Variants in NR5A2 observed in about 807,000 individuals in gnomAD.
NR5A2 encodes the protein CYP7A promoter-binding factor.
NR5A2 carries 26 observed loss-of-function variants against 62.7 expected under a neutral mutation model. The observed-to-expected ratio is 0.41, with a 90% CI of 0.30 to 0.58. The LOEUF (loss-of-function observed/expected upper bound fraction) is 0.58, where lower values mean the gene tolerates loss of function less well. NR5A2 is among the 20% of genes least tolerant of loss of function. NR5A2 has a pLI of 0.22. For missense variants in NR5A2, 541 were observed against 669.1 expected, an observed-to-expected ratio of 0.81 and a Z score of 2.11; for synonymous variants, 246 against 241.7, an observed-to-expected ratio of 1.02 and a Z score of -0.16.
At chr1:200,083,213 G>A (rs1453777092) in intron 5 of NR5A2, among the ~76,000 whole-genome samples, 1 of 152,134 alleles carries the variant, frequency 6.6e-6, no homozygotes, top group Admixed American at 6.6e-5. Flanking sequence ...ACCTACAAAT[G>A]TGGTAGTCAC....
chr1:200,048,648 G>T lies in NR5A2; in HGVS notation c.940G>T (p.Asp314Tyr). Residue 314 changes from aspartate (D) to tyrosine (Y), a missense_variant, in exon 5 of 8, where the codon GAT becomes TAT. Transcript: ENST00000367362. The surrounding 1 kb of genome is among the most constrained non-coding windows in gnomAD (Gnocchi z 4.8). ...ACTGGAACTTTTGAAGTGTGAGCCAGATGAGCCTCAAGTCCAGGCTAAAAT... is the reference window on the plus strand; with the variant it reads ...ACTGGAACTTTTGAAGTGTGAGCCATATGAGCCTCAAGTCCAGGCTAAAAT... ...LILELLKCEP[D>Y]EPQVQAKIMA... The T allele has an allele frequency of 6.2e-7, 1 of 1,614,214 alleles. No homozygotes were observed. Among genetic ancestry groups the T allele is most frequent in the Non-Finnish European group, 8.5e-7 (1 of 1,180,040 alleles).
At position 200,048,187 on chromosome 1, in the gene NR5A2, G is replaced by A. The variant is rs762746404; in HGVS notation, c.479G>A (p.Arg160Gln). The A allele has an allele frequency of 6.2e-7, 1 of 1,604,462 alleles. No individual in the cohort carries two copies. The highest frequency in any genetic ancestry group is 8.5e-7 in the Non-Finnish European group (1 of 1,173,884). Reference sequence around the variant, plus strand: ...CCCCCAACAGCTGTAAGGGCCGACCGAATGCGTGGAGGAAGGAATAAGTTT... The same window carrying A: ...CCCCCAACAGCTGTAAGGGCCGACCAAATGCGTGGAGGAAGGAATAAGTTT... ...GMKLEAVRAD[R>Q]MRGGRNKFGP... Residue 160 changes from arginine to glutamine, a missense_variant, in exon 5 of 8, where the codon CGA becomes CAA. Arg to Gln is a conservative substitution (Grantham distance 43, BLOSUM62 1). Around this residue, in one of 3 missense-constraint regions of NR5A2, gnomAD observed 54 missense variants for 123.8 expected, o/e 0.44. Coordinates refer to ENST00000367362, the MANE Select transcript of NR5A2 (RefSeq NM_205860.3). This position sits in a 1 kb window ranked among gnomAD's most constrained non-coding sequence, Gnocchi z 4.8.
chr1:200,051,535 A>G (rs779901099), intron 5 of NR5A2, among the ~76,000 whole-genome samples: 1 of 152,194 alleles, frequency 6.6e-6, no homozygotes, highest in Non-Finnish European at 1.5e-5. Context: ...CGAAAAAAGG[A>G]AAAGGGAAAA....
In NR5A2 at chr1:200,169,200, C is replaced by T. The variant is rs766342728; in HGVS notation, c.1379-4763C>T. ...TTTCTGCCTGGGTGACAGAACGAGA[C>T]TCTGTCCCTATTTATTAAAAAAAAA... On this transcript the variant is annotated intron_variant, in intron 7 of 7. Transcript: ENST00000367362. Among the ~76,000 whole-genome samples, 21 of 151,702 alleles carry T rather than the reference C, an allele frequency of 1.4e-4. 1 individual carries two copies. The highest frequency in any genetic ancestry group is 1.8e-4 in the Non-Finnish European group (12 of 67,992).
At chr1:200,157,968 T>C (rs988400120) in intron 7 of NR5A2, among the ~76,000 whole-genome samples, 3 of 152,204 alleles carry the variant, frequency 2.0e-5, no homozygotes, top group Non-Finnish European at 4.4e-5. Context: ...TCATAAAATA[T>C]TGGATATTTA....
In NR5A2 at chr1:200,048,192, C is replaced by G. The variant is rs763749694; in HGVS notation, c.484C>G (p.Arg162Gly). 6.2e-7 allele frequency: 1 copy of G among 1,609,826 alleles called. No homozygotes were observed. The highest frequency in any genetic ancestry group is 2.2e-5 in the East Asian group (1 of 44,766). The change falls in exon 5 of 8, where the codon CGT becomes GGT. Residue 162 changes from arginine to glycine, a missense_variant. Around this residue, in one of 3 missense-constraint regions of NR5A2, gnomAD observed 54 missense variants for 123.8 expected, o/e 0.44. Transcript: ENST00000367362. The surrounding 1 kb of genome is among the most constrained non-coding windows in gnomAD (Gnocchi z 4.8). ...AACAGCTGTAAGGGCCGACCGAATGCGTGGAGGAAGGAATAAGTTTGGGCC... is the reference window on the plus strand; with the variant it reads ...AACAGCTGTAAGGGCCGACCGAATGGGTGGAGGAAGGAATAAGTTTGGGCC... The part of the protein sequence containing the change: ...KLEAVRADRM[R>G]GGRNKFGPMY...
chr1:200,109,016 T>C (rs926351275), intron 5 of NR5A2, among the ~76,000 whole-genome samples: 1 of 152,238 alleles, frequency 6.6e-6, no homozygotes, highest in Admixed American at 6.5e-5. Context: ...GAACTCTCAC[T>C]GTCCACTAAA....
intron 7 of NR5A2, among the ~76,000 whole-genome samples, chr1:200,145,038 G>A (rs1667622313): frequency 6.6e-6 from 1 of 152,138 alleles, no homozygotes; most frequent in African/African-American, 2.4e-5. Flanking sequence ...CTGGGCGGGC[G>A]CAGTGGCTCA....
chr1:200,095,439 C>T (rs1308568399), intron 5 of NR5A2, among the ~76,000 whole-genome samples: 2 of 152,152 alleles, frequency 1.3e-5, no homozygotes, highest in Non-Finnish European at 2.9e-5. Flanking sequence ...ATTCACCTGA[C>T]CTTGAGCACC....
intron 5 of NR5A2, chr1:200,057,657 T>C: frequency 3.0e-6 from 1 of 336,752 alleles, no homozygotes; most frequent in Non-Finnish European, 6.0e-6. Flanking sequence ...TTTTGTATTT[T>C]TAGTAGAGAT....
chr1:200,079,636 A>G (rs1303948415), intron 5 of NR5A2, among the ~76,000 whole-genome samples: 6 of 152,338 alleles, frequency 3.9e-5, no homozygotes, highest in African/African-American at 1.4e-4. Context: ...TCCTCTGTCC[A>G]CAATTGGTTA....
intron 5 of NR5A2, among the ~76,000 whole-genome samples, chr1:200,099,621 T>A (rs1665271111): frequency 6.6e-6 from 1 of 152,076 alleles, no homozygotes. Context: ...TGAGATGGAA[T>A]CTTGCTCTGT....
intron 6 of NR5A2, among the ~76,000 whole-genome samples, chr1:200,116,751 A>G (rs1666240159): frequency 6.6e-6 from 1 of 152,242 alleles, no homozygotes; most frequent in Non-Finnish European, 1.5e-5. Context: ...CAAATGTTCT[A>G]TATAGTCGCA....
intron 7 of NR5A2, among the ~76,000 whole-genome samples, chr1:200,126,537 G>A (rs1666707380): frequency 6.6e-6 from 1 of 152,044 alleles, no homozygotes; most frequent in South Asian, 2.1e-4. Flanking sequence ...AATGGGAATT[G>A]AAAATAATTA....
At chr1:200,075,496 G>A (rs954743311) in intron 5 of NR5A2, among the ~76,000 whole-genome samples, 10 of 152,252 alleles carry the variant, frequency 6.6e-5, no homozygotes, top group Non-Finnish European at 1.2e-4. Flanking sequence ...TTTGGAGCAT[G>A]CAAATAGTTG....
At chr1:200,163,661 G>A (rs929841438) in intron 7 of NR5A2, among the ~76,000 whole-genome samples, 7 of 151,872 alleles carry the variant, frequency 4.6e-5, no homozygotes, top group African/African-American at 1.7e-4. Flanking sequence ...TTGTATTTTT[G>A]TAGAGACAGG....
At chr1:200,079,868 TA>T (rs3838442) in intron 5 of NR5A2, among the ~76,000 whole-genome samples, 74,263 of 148,668 alleles carry the variant, frequency 0.5, 18,163 homozygotes, top group African/African-American at 0.54. Context: ...GGCCTTGTTA[TA>T]AAAAAAAAAA....
intron 7 of NR5A2, among the ~76,000 whole-genome samples, chr1:200,137,173 CA>C (rs1011435772): frequency 2.0e-5 from 3 of 150,898 alleles, no homozygotes; most frequent in African/African-American, 7.3e-5. Context: ...ATTTTTGAGA[CA>C]GAGTCTTGCT....
chr1:200,055,430 A>G (rs1662871110), intron 5 of NR5A2, among the ~76,000 whole-genome samples: 1 of 152,088 alleles, frequency 6.6e-6, no homozygotes, highest in Non-Finnish European at 1.5e-5. Flanking sequence ...TCCTGACCTC[A>G]GGTGATCCAC....
Sources: gnomAD v4.1 joint callset for allele counts (sites outside exome capture counted in the v4.1 genomes callset) on GRCh38, gnomAD v4.1.1 for gene constraint, gnomAD v4.1.1 regional missense constraint, Gnocchi (gnomAD v3.1) non-coding constraint, MANE v1.5 for transcripts, NCBI Gene and HGNC (gene_info 2026-07-23, HGNC 2026-07-21) for gene names.